The following SUCLG2 variants were observed in gnomAD, a reference collection of about 807,000 sequenced individuals.
SUCLG2 encodes the protein succinate--CoA ligase [GDP-forming] subunit beta, mitochondrial.
SUCLG2 carries 42 observed loss-of-function variants against 47.9 expected under a neutral mutation model. The observed-to-expected ratio is 0.88, with a 90% CI of 0.69 to 1.14. SUCLG2 has a LOEUF of 1.14. Among genes scored for constraint, SUCLG2 ranks in the 50% most tolerant of loss-of-function variants. SUCLG2 has a pLI of 0.00. For synonymous variants in SUCLG2, 195 were observed against 197.3 expected (o/e 0.99, Z 0.10); for missense variants, 571 against 525.9 (o/e 1.09, Z -0.84).
At chr3:67,469,681 A>T (rs1704556817) in intron 9 of SUCLG2, among the ~76,000 whole-genome samples, 1 of 151,818 alleles carries the variant, frequency 6.6e-6, no homozygotes, top group Non-Finnish European at 1.5e-5. Flanking sequence ...GTGAGACGAG[A>T]CTGTACCACT....
chr3:67,589,869 T>G (rs553273798), intron 2 of SUCLG2, among the ~76,000 whole-genome samples: 1 of 152,206 alleles, frequency 6.6e-6, no homozygotes, highest in South Asian at 2.1e-4. Flanking sequence ...CTCCACAAAG[T>G]CCGGGAATGC....
At chr3:67,570,776 G>C (rs1054612862) in intron 2 of SUCLG2, among the ~76,000 whole-genome samples, 5 of 152,162 alleles carry the variant, frequency 3.3e-5, no homozygotes, top group African/African-American at 1.2e-4. Flanking sequence ...GAAACCTGGT[G>C]TACAGAATCC....
rs1575654453 is a variant in SUCLG2 at position 67,374,935 on chromosome 3, T to G, written c.*809A>C. 1.0e-6 allele frequency: 1 copy of G among 985,722 alleles called. No homozygotes were observed. The highest frequency in any genetic ancestry group is 1.7e-5 in the African/African-American group (1 of 57,358). The allele number at this position is 985,722 out of a possible 1,614,324, so 61.1% of individuals were successfully genotyped here. The stretch of plus-strand genomic sequence containing the variant: ...AAACGAGGAGAGAAGATAGTGATAC[T>G]AAACACAATTTGATCTTCAGTGTTG... On this transcript the variant is annotated 3_prime_UTR_variant, in exon 11 of 11. Transcript: ENST00000307227.
intron 10 of SUCLG2, among the ~76,000 whole-genome samples, chr3:67,388,045 C>T (rs1179500428): frequency 6.6e-6 from 1 of 151,868 alleles, no homozygotes; most frequent in African/African-American, 2.4e-5. Context: ...GGACCTGCTT[C>T]TATCTTAGTA....
intron 9 of SUCLG2, among the ~76,000 whole-genome samples, chr3:67,494,794 C>T (rs920271580): frequency 2.0e-5 from 3 of 152,176 alleles, no homozygotes; most frequent in African/African-American, 4.8e-5. Flanking sequence ...ATGTTATAGT[C>T]AACTGAGTAT....
At chr3:67,392,822 C>A (rs74429267) in intron 10 of SUCLG2, among the ~76,000 whole-genome samples, 10,944 of 149,958 alleles carry the variant, frequency 0.073, 397 homozygotes, top group Middle Eastern at 0.14. Context: ...AGTCACTGTA[C>A]TTTTTTTTTT....
rs1706306787 is a variant in SUCLG2 at position 67,528,223 on chromosome 3, C to G, written c.327-1G>C. Reference sequence around the variant, plus strand: ...AGCCAGCTGTCCCACAACATTAGGGCTAAGAGAAAGAGAAAACAAGCAGAA... The same window carrying G: ...AGCCAGCTGTCCCACAACATTAGGGGTAAGAGAAAGAGAAAACAAGCAGAA... On this transcript the variant is annotated splice_acceptor_variant, in intron 3 of 10. Transcript: ENST00000307227. LOFTEE classifies it high-confidence loss of function. The G allele has an allele frequency of 1.2e-6, 2 of 1,613,336 alleles. No homozygotes were observed. The highest frequency in any genetic ancestry group is 2.2e-5 in the East Asian group (1 of 44,832).
chr3:67,649,787 A>G (rs113032320), intron 1 of SUCLG2, among the ~76,000 whole-genome samples: 8 of 152,372 alleles, frequency 5.3e-5, no homozygotes, highest in African/African-American at 1.7e-4. Flanking sequence ...AAAGTGATGC[A>G]TCAAGTGACA....
intron 9 of SUCLG2, among the ~76,000 whole-genome samples, chr3:67,410,787 T>C (rs1702917262): frequency 1.3e-5 from 2 of 152,312 alleles, no homozygotes; most frequent in Non-Finnish European, 2.9e-5. Context: ...AAATCAGCTA[T>C]TAGAATTGAC....
intron 10 of SUCLG2, 36 bp downstream of exon 10, chr3:67,400,695 G>C (rs752824134): frequency 6.2e-7 from 1 of 1,602,900 alleles, no homozygotes; most frequent in Non-Finnish European, 8.5e-7. Context: ...CCTTGGAGAA[G>C]GGGTGCTGGC....
At chr3:67,561,023 C>T (rs1707294398) in intron 2 of SUCLG2, among the ~76,000 whole-genome samples, 1 of 147,300 alleles carries the variant, frequency 6.8e-6, no homozygotes, top group South Asian at 2.3e-4. Flanking sequence ...GTGTACTTTG[C>T]TCATCTAGAA....
At chr3:67,561,969 G>A (rs1239405880) in intron 2 of SUCLG2, among the ~76,000 whole-genome samples, 1 of 152,136 alleles carries the variant, frequency 6.6e-6, no homozygotes, top group African/African-American at 2.4e-5. Context: ...CTACTTATCA[G>A]TCACTTATCC....
chr3:67,401,989 A>G (rs1391673308), intron 9 of SUCLG2, among the ~76,000 whole-genome samples: 1 of 152,200 alleles, frequency 6.6e-6, no homozygotes, highest in Non-Finnish European at 1.5e-5. Flanking sequence ...TCTAGCTGAG[A>G]AAGCCATCGG....
chr3:67,601,536 A>G (rs1340690590), intron 2 of SUCLG2, among the ~76,000 whole-genome samples: 3 of 152,156 alleles, frequency 2.0e-5, no homozygotes, highest in African/African-American at 7.2e-5. Flanking sequence ...CCCATAAAGT[A>G]CCCTCTGAAC....
At chr3:67,411,758 T>C (rs1290713200) in intron 9 of SUCLG2, among the ~76,000 whole-genome samples, 1 of 152,160 alleles carries the variant, frequency 6.6e-6, no homozygotes, top group Non-Finnish European at 1.5e-5. Context: ...ATGCCAAACC[T>C]GACACTCAGA....
rs771272322 is a variant in SUCLG2, at chr3:67,400,752, G to C, written c.1162C>G (p.Pro388Ala). 54 of 1,611,716 alleles carry C rather than the reference G, an allele frequency of 3.4e-5. 1 individual carries two copies. In the Admixed American group the frequency reaches 8.4e-4, roughly 25 times the overall value. ...KACRELELKVPLVVRLEGTNV... is the reference protein window; with the variant it reads ...KACRELELKVALVVRLEGTNV... The stretch of plus-strand genomic sequence containing the variant: ...TCACCTTCAAGCCGGACCACCAGGG[G>C]CACCTTGAGTTCTAGCTCCCGGCAG... Residue 388 changes from proline to alanine, a missense_variant, in exon 10 of 11, where the codon CCC (proline) becomes GCC (alanine). Pro to Ala is a conservative substitution (Grantham distance 27). Coordinates refer to ENST00000307227, the MANE Select transcript of SUCLG2 (RefSeq NM_003848.4).
intron 7 of SUCLG2, among the ~76,000 whole-genome samples, chr3:67,505,031 C>T (rs1705598312): frequency 6.6e-6 from 1 of 152,230 alleles, no homozygotes; most frequent in Non-Finnish European, 1.5e-5. Context: ...TGTTTTGACT[C>T]AGTGTCCCTT....
intron 4 of SUCLG2, 150 bp from the exon 5 acceptor site, chr3:67,520,784 T>G: frequency 1.2e-6 from 1 of 830,240 alleles, no homozygotes; most frequent in African/African-American, 1.7e-5. Flanking sequence ...AGAGTTCTGC[T>G]CTCATGGTGC....
intron 9 of SUCLG2, among the ~76,000 whole-genome samples, chr3:67,427,156 G>T (rs1362725285): frequency 6.6e-6 from 1 of 152,096 alleles, no homozygotes; most frequent in African/African-American, 2.4e-5. Flanking sequence ...ATAGCCAAAG[G>T]TATGTATTTT....
Sources: gnomAD v4.1 joint callset for allele counts (sites outside exome capture counted in the v4.1 genomes callset) on GRCh38, gnomAD v4.1.1 for gene constraint, MANE v1.5 for transcripts, NCBI Gene and HGNC (gene_info 2026-07-23, HGNC 2026-07-21) for gene names.